The following SRBD1 variants were observed in gnomAD, a reference collection of about 807,000 sequenced individuals.
The protein encoded by SRBD1 is S1 RNA binding domain 1, also known as S1 RNA-binding domain-containing protein 1.
SRBD1 carries 88 observed loss-of-function variants against 115.3 expected under a neutral mutation model. The ratio of observed to expected loss-of-function variants is 0.76; its 90% CI spans 0.64 to 0.91. The LOEUF (loss-of-function observed/expected upper bound fraction) is 0.91, where lower values mean the gene tolerates loss of function less well. Among genes scored for constraint, SRBD1 ranks in the 40% least tolerant of loss-of-function variants. The pLI, the probability that SRBD1 is intolerant of heterozygous loss-of-function variation, is 0.00. For synonymous variants in SRBD1, 509 were observed against 407.7 expected, an observed-to-expected ratio of 1.25 and a Z score of -2.99; for missense variants, 1,385 against 1,177.4, an observed-to-expected ratio of 1.18 and a Z score of -2.58.
At chr2:45,421,537 A>AAAC (rs1668006149) in intron 16 of SRBD1, among the ~76,000 whole-genome samples, 1 of 148,984 alleles carries the variant, frequency 6.7e-6, no homozygotes, top group Non-Finnish European at 1.5e-5. Flanking sequence ...AAAAAAAAAA[A>AAAC]AAAAAAAAGT....
intron 19 of SRBD1, among the ~76,000 whole-genome samples, chr2:45,395,395 A>G (rs965680215): frequency 3.9e-5 from 6 of 152,166 alleles, no homozygotes; most frequent in African/African-American, 1.4e-4. Flanking sequence ...AGAGAGGGAG[A>G]GAGGAACTAA....
intron 14 of SRBD1, among the ~76,000 whole-genome samples, chr2:45,540,082 C>T (rs914185625): frequency 1.3e-5 from 2 of 152,112 alleles, no homozygotes; most frequent in African/African-American, 4.8e-5. Flanking sequence ...GTGGCTCACG[C>T]CTGTAACCCC....
At chr2:45,471,300 AC>A in intron 16 of SRBD1, among the ~76,000 whole-genome samples, 1 of 152,326 alleles carries the variant, frequency 6.6e-6, no homozygotes, top group South Asian at 2.1e-4. Flanking sequence ...TTTTTAAAAC[AC>A]AAATTGTTTT....
At chr2:45,424,812 T>C (rs1005459492) in intron 16 of SRBD1, among the ~76,000 whole-genome samples, 1 of 152,182 alleles carries the variant, frequency 6.6e-6, no homozygotes, top group Non-Finnish European at 1.5e-5. Context: ...TATTCAATAA[T>C]GGCAAATGAA....
chr2:45,554,757 T>C (rs1672418844), intron 10 of SRBD1, among the ~76,000 whole-genome samples: 1 of 152,186 alleles, frequency 6.6e-6, no homozygotes, highest in South Asian at 2.1e-4. Context: ...TCAGCATTAA[T>C]CATGAGGTCA....
At chr2:45,509,645 A>G (rs1031237741) in intron 14 of SRBD1, among the ~76,000 whole-genome samples, 4 of 150,588 alleles carry the variant, frequency 2.7e-5, no homozygotes, top group African/African-American at 4.9e-5. Flanking sequence ...ACACACACAC[A>G]CGCAAAGAAG....
chr2:45,555,547 G>T (rs1672447822), intron 10 of SRBD1, among the ~76,000 whole-genome samples: 1 of 144,216 alleles, frequency 6.9e-6, no homozygotes, highest in South Asian at 2.2e-4. Flanking sequence ...CTGGAGTGCA[G>T]TGGCGCGATC....
intron 16 of SRBD1, among the ~76,000 whole-genome samples, chr2:45,429,270 G>C (rs1396240927): frequency 1.3e-5 from 2 of 152,098 alleles, no homozygotes; most frequent in East Asian, 3.8e-4. Context: ...AACAGAAAAA[G>C]ACGGACTCCT....
chr2:45,432,033 A>ATTTATTTC (rs1421761047), intron 16 of SRBD1, among the ~76,000 whole-genome samples: 12 of 150,988 alleles, frequency 7.9e-5, no homozygotes, highest in Non-Finnish European at 1.3e-4. Flanking sequence ...TTATTTATTT[A>ATTTATTTC]TTTATTTATT....
intron 14 of SRBD1, among the ~76,000 whole-genome samples, chr2:45,537,962 G>C (rs1199804483): frequency 1.3e-5 from 2 of 152,228 alleles, no homozygotes; most frequent in Admixed American, 1.3e-4. Context: ...CTGTGCTAAG[G>C]ATAAGCTGTT....
chr2:45,440,294 CA>C (rs1397583276), intron 16 of SRBD1, among the ~76,000 whole-genome samples: 1 of 152,120 alleles, frequency 6.6e-6, no homozygotes, highest in Non-Finnish European at 1.5e-5. Flanking sequence ...TTAATGCAGA[CA>C]AACTTTCATT....
intron 14 of SRBD1, among the ~76,000 whole-genome samples, chr2:45,539,060 AT>A (rs539964446): frequency 9.9e-5 from 15 of 151,218 alleles, no homozygotes; most frequent in South Asian, 2.1e-4. Context: ...ATCATTATCT[AT>A]TTTTTTTTAT....
Position 45,476,905 on chromosome 2 carries a change from C to G in SRBD1, c.2049+88G>C. On this transcript the variant is annotated intron_variant, in intron 16 of 20. Coordinates refer to ENST00000263736, the MANE Select transcript of SRBD1 (RefSeq NM_018079.5). ...ATAACCTTGAAAATGGGAATCTACT[C>G]CCACAGACACTTAATTACTATCCCA... 2 of 1,214,246 alleles carry G rather than the reference C, an allele frequency of 1.6e-6. 1 individual carries two copies. Among genetic ancestry groups the G allele is most frequent in the Non-Finnish European group, 2.4e-6 (2 of 835,290 alleles). 75.2% of individuals were successfully genotyped at this position (1,214,246 alleles called of 1,614,324 possible).
At chr2:45,517,782 C>G (rs1329536641) in intron 14 of SRBD1, among the ~76,000 whole-genome samples, 3 of 152,100 alleles carry the variant, frequency 2.0e-5, no homozygotes, top group Non-Finnish European at 4.4e-5. Context: ...ATAGTTTGAG[C>G]CCAGAGGTGT....
chr2:45,475,187 C>A (rs1448894376), intron 16 of SRBD1, among the ~76,000 whole-genome samples: 3 of 152,176 alleles, frequency 2.0e-5, no homozygotes, highest in Non-Finnish European at 4.4e-5. Context: ...TATCAGAACC[C>A]TTGGAGCAAG....
Position 45,562,709 on chromosome 2 carries a change from C to T in SRBD1, c.1353G>A (p.Lys451=), listed in dbSNP as rs761180409. 1.2e-6 allele frequency: 2 copies of T among 1,612,768 alleles called. No individual in the cohort carries two copies. Among genetic ancestry groups the T allele is most frequent in the Non-Finnish European group, 8.5e-7 (1 of 1,179,688 alleles). Residue 451 remains lysine, a synonymous_variant, in exon 10 of 21, where the codon AAG becomes AAA. Transcript: ENST00000263736. ...RGENLKVLTV[K]VNISDGVKDE... is the part of the protein sequence containing the mutation. ...CCTTCACTCCATCAGAAATATTGAC[C>T]TTAACCGTCAGTACCTTCAAATTTT...
At chr2:45,414,680 GTATA>G (rs1180459275) in intron 18 of SRBD1, among the ~76,000 whole-genome samples, 1 of 148,850 alleles carries the variant, frequency 6.7e-6, no homozygotes, top group Non-Finnish European at 1.5e-5. Flanking sequence ...TATATAGTAT[GTATA>G]TACACACACA....
chr2:45,502,595 AC>A (rs1295724947), intron 14 of SRBD1, among the ~76,000 whole-genome samples: 2 of 146,578 alleles, frequency 1.4e-5, no homozygotes, highest in African/African-American at 5.1e-5. Context: ...AAAACCATAC[AC>A]CGCATGTTCT....
intron 16 of SRBD1, among the ~76,000 whole-genome samples, chr2:45,420,500 C>G (rs981940152): frequency 4.6e-5 from 7 of 152,178 alleles, no homozygotes; most frequent in Non-Finnish European, 1.0e-4. Flanking sequence ...ATGACACATG[C>G]TTTCTTACTG....
Sources: gnomAD v4.1 joint callset for allele counts (sites outside exome capture counted in the v4.1 genomes callset) on GRCh38, gnomAD v4.1.1 for gene constraint, MANE v1.5 for transcripts, NCBI Gene and HGNC (gene_info 2026-07-23, HGNC 2026-07-21) for gene names.